Variants in PTPRD observed in about 807,000 individuals in gnomAD.
PTPRD encodes receptor-type tyrosine-protein phosphatase delta.
In PTPRD, 34 loss-of-function variants were observed where a neutral mutation model predicts 214.5. That is an observed-to-expected ratio of 0.16 (90% CI 0.12 to 0.21). The LOEUF (loss-of-function observed/expected upper bound fraction) is 0.21, where lower values mean the gene tolerates loss of function less well. Among genes scored for constraint, PTPRD ranks in the 10% least tolerant of loss-of-function variants. PTPRD has a pLI of 1.00. For missense variants in PTPRD, 2,545 were observed against 2,398.7 expected (o/e 1.06, Z -1.27); for synonymous variants, 1,128 against 845.7 (o/e 1.33, Z -5.79).
chr9:9,425,569 TAGAC>T (rs562517138), intron 8 of PTPRD, among the ~76,000 whole-genome samples: 1 of 74,402 alleles, frequency 1.3e-5, no homozygotes, highest in Admixed American at 1.5e-4. Flanking sequence ...TACATCAGAA[TAGAC>T]AGTTCACAGG....
chr9:8,914,184 T>A (rs1042114913), intron 11 of PTPRD, among the ~76,000 whole-genome samples: 59 of 152,270 alleles, frequency 3.9e-4, no homozygotes, highest in African/African-American at 1.4e-3. Context: ...GACAAAATTG[T>A]TTTCAATAAT....
intron 10 of PTPRD, among the ~76,000 whole-genome samples, chr9:9,081,548 C>T (rs1032312665): frequency 6.6e-6 from 1 of 151,996 alleles, no homozygotes; most frequent in African/African-American, 2.4e-5. Flanking sequence ...CCTGAATATC[C>T]TTGTTAATTT....
intron 33 of PTPRD, among the ~76,000 whole-genome samples, chr9:8,452,429 T>C (rs747665335): frequency 6.6e-6 from 1 of 152,212 alleles, no homozygotes; most frequent in Non-Finnish European, 1.5e-5. Flanking sequence ...TAAAACGTTG[T>C]CATAAAATAT....
intron 36 of PTPRD, among the ~76,000 whole-genome samples, chr9:8,400,994 A>T (rs1403658059): frequency 6.6e-6 from 1 of 152,132 alleles, no homozygotes; most frequent in African/African-American, 2.4e-5. Flanking sequence ...CTTGTTCTTC[A>T]TCTTTTGGTT....
At chr9:9,409,563 A>C (rs1330981633) in intron 8 of PTPRD, among the ~76,000 whole-genome samples, 1 of 152,088 alleles carries the variant, frequency 6.6e-6, no homozygotes, top group Non-Finnish European at 1.5e-5. Context: ...GCTAGAACTG[A>C]GAGCACTTAA....
intron 2 of PTPRD, among the ~76,000 whole-genome samples, chr9:10,516,519 G>A (rs975903490): frequency 5.9e-5 from 9 of 151,806 alleles, no homozygotes; most frequent in Non-Finnish European, 1.2e-4. Flanking sequence ...CAACTCCTTA[G>A]GTTTCCTTTT....
intron 5 of PTPRD, among the ~76,000 whole-genome samples, chr9:9,842,123 A>C (rs7866519): frequency 0.021 from 3,157 of 152,004 alleles, 56 homozygotes; most frequent in Middle Eastern, 0.044. Flanking sequence ...TCTATATTTT[A>C]AATCATGAGT....
chr9:8,324,736 A>G (rs1345126760), intron 44 of PTPRD, among the ~76,000 whole-genome samples: 8 of 152,078 alleles, frequency 5.3e-5, no homozygotes, highest in African/African-American at 1.7e-4. Context: ...AAGCATTCCT[A>G]TTTCTCCACA....
chr9:9,988,173 G>T (rs1230248933), intron 4 of PTPRD, among the ~76,000 whole-genome samples: 1 of 151,994 alleles, frequency 6.6e-6, no homozygotes, highest in Non-Finnish European at 1.5e-5. Flanking sequence ...ATTAAATTCT[G>T]CTACAAAACA....
At chr9:9,975,964 C>T (rs1330755546) in intron 4 of PTPRD, among the ~76,000 whole-genome samples, 1 of 152,134 alleles carries the variant, frequency 6.6e-6, no homozygotes, top group Non-Finnish European at 1.5e-5. Flanking sequence ...ACCTGAAAAG[C>T]AGTAGAAGGC....
chr9:8,320,075 A>G lies in PTPRD; in HGVS notation c.5535-109T>C, dbSNP rs1825833020. The G allele has an allele frequency of 2.2e-6, 3 of 1,339,128 alleles. No homozygotes were observed. The South Asian group carries it at 4.6e-5, about 21-fold the overall frequency. 83.0% of individuals were successfully genotyped at this position (1,339,128 alleles called of 1,614,324 possible). ...CAGCTTCCACACTCCGTATCTCTTT[A>G]TAGCCATATTCAGGAAAACATGGTA... is the stretch of plus-strand genomic sequence containing the variant. On this transcript the variant is annotated intron_variant, in intron 44 of 45. Transcript: ENST00000381196.
chr9:8,652,698 T>C (rs952142511), intron 12 of PTPRD, among the ~76,000 whole-genome samples: 4 of 152,178 alleles, frequency 2.6e-5, no homozygotes, highest in African/African-American at 9.7e-5. Context: ...AAAATATGAA[T>C]GTGTAATCCC....
intron 8 of PTPRD, among the ~76,000 whole-genome samples, chr9:9,543,512 C>A (rs543049232): frequency 1.3e-5 from 2 of 151,398 alleles, no homozygotes; most frequent in Non-Finnish European, 3.0e-5. Flanking sequence ...AGGTAAATTT[C>A]AAAATTTTAA....
chr9:9,497,952 C>G (rs2096261933), intron 8 of PTPRD, among the ~76,000 whole-genome samples: 1 of 152,142 alleles, frequency 6.6e-6, no homozygotes, highest in Admixed American at 6.5e-5. Flanking sequence ...AAATGATTCA[C>G]AGTGCCTTTC....
chr9:10,365,343 CCA>C (rs1214893064), intron 2 of PTPRD, among the ~76,000 whole-genome samples: 1 of 152,186 alleles, frequency 6.6e-6, no homozygotes, highest in Non-Finnish European at 1.5e-5. Context: ...ATGTTTCCAG[CCA>C]CAGTCCCAAC....
intron 9 of PTPRD, among the ~76,000 whole-genome samples, chr9:9,237,685 A>T (rs2099967739): frequency 6.6e-6 from 1 of 152,078 alleles, no homozygotes; most frequent in Non-Finnish European, 1.5e-5. Flanking sequence ...TGGAAAGCTG[A>T]TCTTCAGACT....
At chr9:9,844,321 C>CA (rs1391310436) in intron 5 of PTPRD, among the ~76,000 whole-genome samples, 3 of 152,040 alleles carry the variant, frequency 2.0e-5, no homozygotes, top group African/African-American at 7.2e-5. Flanking sequence ...CACTAGACAT[C>CA]ATGCTAAGTG....
intron 12 of PTPRD, among the ~76,000 whole-genome samples, chr9:8,687,790 A>T (rs924897542): frequency 6.6e-6 from 1 of 151,464 alleles, no homozygotes. Flanking sequence ...TAAGTTTCAC[A>T]TTTTATATAC....
chr9:10,323,148 T>C (rs762611495), intron 3 of PTPRD, among the ~76,000 whole-genome samples: 29 of 151,782 alleles, frequency 1.9e-4, no homozygotes, highest in Non-Finnish European at 3.8e-4. Flanking sequence ...CAATTCTTTC[T>C]ATTTTCTTTC....
Sources: gnomAD v4.1 joint callset for allele counts (sites outside exome capture counted in the v4.1 genomes callset) on GRCh38, gnomAD v4.1.1 for gene constraint, MANE v1.5 for transcripts, NCBI Gene and HGNC (gene_info 2026-07-23, HGNC 2026-07-21) for gene names.